The following CAMKMT variants were observed in gnomAD, a reference collection of about 807,000 sequenced individuals.
CAMKMT encodes calmodulin-lysine N-methyltransferase.
CAMKMT carries 53 observed loss-of-function variants against 48.0 expected under a neutral mutation model. The observed-to-expected ratio is 1.10, with a 90% CI of 0.89 to 1.39. The LOEUF is 1.39. Among genes scored for constraint, CAMKMT ranks in the 40% most tolerant of loss-of-function variants. CAMKMT has a pLI of 0.00. For synonymous variants in CAMKMT, 165 were observed against 152.3 expected (o/e 1.08, Z -0.61); for missense variants, 428 against 402.7 (o/e 1.06, Z -0.54).
intron 3 of CAMKMT, among the ~76,000 whole-genome samples, chr2:44,434,186 A>T (rs2104544780): frequency 6.6e-6 from 1 of 151,378 alleles, no homozygotes; most frequent in East Asian, 1.9e-4. Flanking sequence ...ATGAAAAGAA[A>T]CCAAGTATTC....
chr2:44,743,772 C>A, intron 8 of CAMKMT, 76 bp downstream of exon 8: 1 of 1,138,620 alleles, frequency 8.8e-7, no homozygotes, highest in South Asian at 1.3e-5. Flanking sequence ...TGTTGCTTAG[C>A]TGACGGCTAA....
intron 3 of CAMKMT, among the ~76,000 whole-genome samples, chr2:44,581,719 T>G (rs13027068): frequency 0.64 from 97,922 of 152,108 alleles, 32,009 homozygotes; most frequent in Admixed American, 0.71. Context: ...AGATGGTTTT[T>G]GCCGGGCGTG....
intron 3 of CAMKMT, among the ~76,000 whole-genome samples, chr2:44,610,370 A>G (rs989554267): frequency 6.6e-6 from 1 of 152,136 alleles, no homozygotes; most frequent in African/African-American, 2.4e-5. Flanking sequence ...GAATAAAGGG[A>G]AGAATAAGGA....
At chr2:44,673,837 A>G (rs1372893309) in intron 3 of CAMKMT, among the ~76,000 whole-genome samples, 1 of 152,192 alleles carries the variant, frequency 6.6e-6, no homozygotes, top group Non-Finnish European at 1.5e-5. Flanking sequence ...TTTGGGAAAG[A>G]TTAAATACTT....
chr2:44,432,023 T>C (rs1684681358), intron 3 of CAMKMT, among the ~76,000 whole-genome samples: 1 of 152,208 alleles, frequency 6.6e-6, no homozygotes, highest in Non-Finnish European at 1.5e-5. Context: ...CCAAAAATCT[T>C]GGATGGAAAT....
At chr2:44,728,751 A>T (rs1025164133) in intron 7 of CAMKMT, among the ~76,000 whole-genome samples, 6 of 151,172 alleles carry the variant, frequency 4.0e-5, no homozygotes, top group African/African-American at 7.3e-5. Flanking sequence ...CTGTGGCATC[A>T]GTTGTAATGT....
chr2:44,732,927 A>T (rs1470318619), intron 7 of CAMKMT, among the ~76,000 whole-genome samples: 1 of 152,200 alleles, frequency 6.6e-6, no homozygotes, highest in African/African-American at 2.4e-5. Flanking sequence ...TTTTAATTTT[A>T]ATAAAGTCTG....
chr2:44,513,355 T>A (rs776407046), intron 3 of CAMKMT, among the ~76,000 whole-genome samples: 5 of 151,972 alleles, frequency 3.3e-5, no homozygotes, highest in Admixed American at 6.6e-5. Context: ...AATTAATGAA[T>A]TAACAAATGA....
At chr2:44,665,466 G>A (rs1438187760) in intron 3 of CAMKMT, among the ~76,000 whole-genome samples, 2 of 152,128 alleles carry the variant, frequency 1.3e-5, no homozygotes, top group Non-Finnish European at 2.9e-5. Context: ...CTTATATTGA[G>A]GCCATATTGT....
intron 3 of CAMKMT, among the ~76,000 whole-genome samples, chr2:44,463,508 T>C (rs1208779761): frequency 6.6e-6 from 1 of 152,164 alleles, no homozygotes; most frequent in Non-Finnish European, 1.5e-5. Flanking sequence ...TGCAATATAC[T>C]AGCTTTTTAG....
At chr2:44,427,390 A>G (rs1684341866) in intron 3 of CAMKMT, among the ~76,000 whole-genome samples, 1 of 152,326 alleles carries the variant, frequency 6.6e-6, no homozygotes, top group African/African-American at 2.4e-5. Flanking sequence ...GGGAGAAAAT[A>G]TTTGAAAGCT....
At chr2:44,760,357 G>C (rs1436788761) in intron 9 of CAMKMT, among the ~76,000 whole-genome samples, 2 of 152,022 alleles carry the variant, frequency 1.3e-5, no homozygotes, top group Non-Finnish European at 2.9e-5. Flanking sequence ...TTTGAGGTTA[G>C]GGTTGGGGAA....
At chr2:44,506,091 A>G (rs151091791) in intron 3 of CAMKMT, among the ~76,000 whole-genome samples, 11 of 152,212 alleles carry the variant, frequency 7.2e-5, no homozygotes, top group Admixed American at 2.0e-4. Context: ...CCTGGGCTCA[A>G]GCAGTTCATT....
intron 3 of CAMKMT, among the ~76,000 whole-genome samples, chr2:44,542,125 G>A (rs1440884587): frequency 3.7e-5 from 5 of 136,080 alleles, no homozygotes; most frequent in African/African-American, 1.4e-4. Flanking sequence ...GTGAAACTCT[G>A]TCTCAAAAAA....
chr2:44,577,788 G>T (rs1296176260), intron 3 of CAMKMT, among the ~76,000 whole-genome samples: 1 of 152,058 alleles, frequency 6.6e-6, no homozygotes, highest in Non-Finnish European at 1.5e-5. Flanking sequence ...ATCAACCAGA[G>T]GCTGGGAACA....
intron 3 of CAMKMT, among the ~76,000 whole-genome samples, chr2:44,665,072 G>T (rs1280736360): frequency 2.0e-5 from 3 of 152,012 alleles, no homozygotes; most frequent in African/African-American, 7.2e-5. Context: ...TTTTTTGTTT[G>T]TTTGTTTTTT....
intron 3 of CAMKMT, among the ~76,000 whole-genome samples, chr2:44,567,366 G>A (rs1248601055): frequency 1.3e-5 from 2 of 152,114 alleles, no homozygotes; most frequent in South Asian, 2.1e-4. Flanking sequence ...CTGCATGGAC[G>A]TGATCTTTGT....
intron 3 of CAMKMT, among the ~76,000 whole-genome samples, chr2:44,614,741 C>T (rs555173489): frequency 1.3e-5 from 2 of 152,056 alleles, no homozygotes; most frequent in African/African-American, 4.8e-5. Flanking sequence ...GTAGCAAGTC[C>T]TGTGACTCTA....
At chr2:44,483,105 G>T (rs1572622369) in intron 3 of CAMKMT, among the ~76,000 whole-genome samples, 2 of 152,080 alleles carry the variant, frequency 1.3e-5, no homozygotes, top group South Asian at 4.1e-4. Context: ...TACACTAAAG[G>T]CTCCTACAAC....
Sources: allele counts gnomAD v4.1 joint callset (sites outside exome capture counted in the v4.1 genomes callset), GRCh38; gene constraint gnomAD v4.1.1; transcripts MANE v1.5; gene names NCBI Gene and HGNC (gene_info 2026-07-23, HGNC 2026-07-21).